ABHD2: variants seen among roughly 807,000 people sequenced by gnomAD.
ABHD2 encodes monoacylglycerol lipase ABHD2.
A neutral mutation model predicts 48.1 loss-of-function variants in ABHD2; 20 were observed. The ratio of observed to expected loss-of-function variants is 0.42; its 90% CI spans 0.29 to 0.60. The LOEUF is 0.60. Among genes scored for constraint, ABHD2 ranks in the 20% least tolerant of loss-of-function variants. The pLI, the probability that ABHD2 is intolerant of heterozygous loss-of-function variation, is 0.24. For missense variants in ABHD2, 405 were observed against 550.9 expected (o/e 0.74, Z 2.65); for synonymous variants, 209 against 214.2 (o/e 0.98, Z 0.21).
intron 5 of ABHD2, among the ~76,000 whole-genome samples, chr15:89,169,519 A>T (rs2050886682): frequency 6.6e-6 from 1 of 152,252 alleles, no homozygotes. Context: ...ATAGAGTCTC[A>T]TTCAATGTTG....
chr15:89,117,648 C>T (rs985375931), intron 3 of ABHD2, among the ~76,000 whole-genome samples: 2 of 152,184 alleles, frequency 1.3e-5, no homozygotes, highest in Admixed American at 6.5e-5. Flanking sequence ...CAAGTGTGTC[C>T]GTTCAGCACA....
At chr15:89,194,863 C>G (rs1205787593) in intron 10 of ABHD2, among the ~76,000 whole-genome samples, 1 of 152,226 alleles carries the variant, frequency 6.6e-6, no homozygotes, top group Non-Finnish European at 1.5e-5. Context: ...CCTCACTCCT[C>G]TCCCACCTCC....
At chr15:89,170,358 A>G (rs2050905972) in intron 5 of ABHD2, among the ~76,000 whole-genome samples, 1 of 151,800 alleles carries the variant, frequency 6.6e-6, no homozygotes, top group Non-Finnish European at 1.5e-5. Context: ...CAGCCTCCCA[A>G]AGTGCTGGGA....
Position 89,201,038 on chromosome 15 carries a change from C to T in ABHD2, c.*5615C>T, listed in dbSNP as rs763269691. On this transcript the variant is annotated 3_prime_UTR_variant, in exon 11 of 11. Coordinates refer to ENST00000352732, the MANE Select transcript of ABHD2 (RefSeq NM_152924.5). ...CGGAGGTTGCAGTGAGCCGAGATCA[C>T]GCCTCTGCACTCCAGCCTGGGCAAC... 11 of 664,786 alleles carry T rather than the reference C, an allele frequency of 1.7e-5. No homozygotes were observed. Among genetic ancestry groups the T allele is most frequent in the East Asian group, 1.1e-4 (4 of 36,370 alleles). 41.2% of individuals were successfully genotyped at this position (664,786 alleles called of 1,614,324 possible).
chr15:89,047,704 A>G, the ABHD2 span, among the ~76,000 whole-genome samples: 238 of 151,030 alleles, frequency 1.6e-3, no homozygotes, highest in African/African-American at 5.5e-3. Flanking sequence ...GTTTTATCAG[A>G]GCCTAGGATT....
At chr15:89,050,031 A>G in the ABHD2 span, among the ~76,000 whole-genome samples, 1 of 152,156 alleles carries the variant, frequency 6.6e-6, no homozygotes, top group African/African-American at 2.4e-5. Context: ...CCTGGACTAC[A>G]TTTTCATAGG....
intron 3 of ABHD2, among the ~76,000 whole-genome samples, chr15:89,139,844 G>A (rs1487938642): frequency 2.0e-5 from 3 of 152,148 alleles, no homozygotes; most frequent in Non-Finnish European, 2.9e-5. Flanking sequence ...GAAACATCCC[G>A]AGCCTATGTC....
chr15:89,107,196 A>G (rs1442812082), intron 1 of ABHD2, among the ~76,000 whole-genome samples: 1 of 152,194 alleles, frequency 6.6e-6, no homozygotes, highest in Non-Finnish European at 1.5e-5. Context: ...CCAAGGATGC[A>G]TTTTAGCACA....
intron 1 of ABHD2, among the ~76,000 whole-genome samples, chr15:89,098,188 G>A (rs1213326557): frequency 1.3e-5 from 2 of 152,058 alleles, no homozygotes; most frequent in African/African-American, 4.8e-5. Flanking sequence ...GCAAATTTTA[G>A]CAAATTTCTA....
At position 89,177,104 on chromosome 15, in the gene ABHD2, C is replaced by T. The variant is rs1016262058; in HGVS notation, c.722+1109C>T. ...GTGATCTAAATGTACCCACGATAGACATGAGAAACATCTCTGATGAAACCC... is the reference window on the plus strand; with the variant it reads ...GTGATCTAAATGTACCCACGATAGATATGAGAAACATCTCTGATGAAACCC... On this transcript the variant is annotated intron_variant, in intron 6 of 10. Transcript: ENST00000352732. The surrounding 1 kb of genome is among the most constrained non-coding windows in gnomAD (Gnocchi z 5.6). Among the ~76,000 whole-genome samples, 3 of 152,188 alleles carry T rather than the reference C, an allele frequency of 2.0e-5. No individual in the cohort carries two copies. The highest frequency in any genetic ancestry group is 6.5e-5 in the Admixed American group (1 of 15,286).
chr15:89,095,649 T>G (rs1375027698), intron 1 of ABHD2, among the ~76,000 whole-genome samples: 2 of 152,210 alleles, frequency 1.3e-5, no homozygotes, highest in African/African-American at 4.8e-5. Context: ...ATGGCCCAGA[T>G]GGCTTCTGAG....
chr15:89,056,908 CTTTTTT>C, the ABHD2 span, among the ~76,000 whole-genome samples: 2 of 87,418 alleles, frequency 2.3e-5, no homozygotes, highest in Non-Finnish European at 4.2e-5. Flanking sequence ...TAAGTGATAC[CTTTTTT>C]TTTTTTTTTT....
chr15:89,183,941 C>T lies in ABHD2; in HGVS notation c.723-1483C>T, dbSNP rs562899444. Among the ~76,000 whole-genome samples the T allele has an allele frequency of 2.4e-3, 371 of 152,292 alleles. 2 individuals carry two copies. Among genetic ancestry groups the T allele is most frequent in the Non-Finnish European group, 3.6e-3 (244 of 68,026 alleles). On this transcript the variant is annotated intron_variant, in intron 6 of 10. Coordinates refer to ENST00000352732, the MANE Select transcript of ABHD2 (RefSeq NM_152924.5). Reference sequence around the variant, plus strand: ...TGTGGCTCGGTGATTGGGTGACCCCCTTCCCTCTGACCACAGGCAGGTGAG... The same window carrying T: ...TGTGGCTCGGTGATTGGGTGACCCCTTTCCCTCTGACCACAGGCAGGTGAG...
chr15:89,053,461 C>T, the ABHD2 span, among the ~76,000 whole-genome samples: 1 of 152,318 alleles, frequency 6.6e-6, no homozygotes, highest in African/African-American at 2.4e-5. Context: ...GAAACAAAGG[C>T]AGCCAACTGC....
chr15:89,136,092 ATTTTT>A, intron 3 of ABHD2: 1 of 166,938 alleles, frequency 6.0e-6, no homozygotes, highest in South Asian at 1.0e-4. Context: ...ATGCCTGGCA[ATTTTT>A]TTTTTTTTTT....
At chr15:89,169,708 G>C (rs1005508949) in intron 5 of ABHD2, among the ~76,000 whole-genome samples, 26 of 152,188 alleles carry the variant, frequency 1.7e-4, no homozygotes, top group African/African-American at 6.0e-4. Context: ...GATATGTTGG[G>C]TGTCTTTAGC....
upstream of ABHD2, among the ~76,000 whole-genome samples, chr15:89,085,409 T>C (rs148296669): frequency 8.0e-3 from 1,220 of 151,896 alleles, 10 homozygotes; most frequent in Middle Eastern, 0.014. This position sits in a 1 kb window ranked among gnomAD's most constrained non-coding sequence, Gnocchi z 4.2. Flanking sequence ...ATTTATAGAA[T>C]GAAATAATAT....
intron 5 of ABHD2, among the ~76,000 whole-genome samples, chr15:89,157,213 A>G (rs1384644882): frequency 6.6e-6 from 1 of 152,244 alleles, no homozygotes; most frequent in Admixed American, 6.5e-5. Flanking sequence ...TGTCTTGTAC[A>G]TAGAATTATT....
intron 3 of ABHD2, among the ~76,000 whole-genome samples, chr15:89,127,726 T>TATATATATATATATAC (rs1567080111): frequency 7.0e-6 from 1 of 141,924 alleles, no homozygotes; most frequent in African/African-American, 2.8e-5. Context: ...TATACACATA[T>TATATATATATATATAC]ATATATATAT....
Sources: allele counts gnomAD v4.1 joint callset (sites outside exome capture counted in the v4.1 genomes callset), GRCh38; gene constraint gnomAD v4.1.1; non-coding constraint Gnocchi (gnomAD v3.1); transcripts MANE v1.5; gene names NCBI Gene and HGNC (gene_info 2026-07-23, HGNC 2026-07-21).